ZNF75A: variants seen among roughly 807,000 people sequenced by gnomAD.
ZNF75A encodes zinc finger protein 75A.
In ZNF75A, 36 loss-of-function variants were observed where a neutral mutation model predicts 46.3. The observed-to-expected ratio is 0.78, with a 90% CI of 0.60 to 1.03. The LOEUF is 1.03. ZNF75A is among the 50% of genes least tolerant of loss of function. The pLI, the probability that ZNF75A is intolerant of heterozygous loss-of-function variation, is 0.00. For synonymous variants in ZNF75A, 234 were observed against 189.9 expected, an observed-to-expected ratio of 1.23 and a Z score of -1.91; for missense variants, 595 against 551.3, an observed-to-expected ratio of 1.08 and a Z score of -0.79.
At chr16:3,316,403 T>C (rs928642555) in intron 5 of ZNF75A, 1 of 152,302 alleles carries the variant, frequency 6.6e-6, no homozygotes, top group Non-Finnish European at 1.5e-5. Flanking sequence ...TCTATAGGAA[T>C]GGTAGAAATC....
rs1961390285 is a variant in ZNF75A, at chr16:3,318,440, T to C, written c.*571T>C. 1.0e-6 allele frequency: 1 copy of C among 985,674 alleles called. No homozygotes were observed. The allele number at this position is 985,674 out of a possible 1,614,324, so 61.1% of individuals were successfully genotyped here. A position where few individuals can be genotyped will look rare whatever the true frequency, so the allele number is the denominator to read the frequency against. The stretch of plus-strand genomic sequence containing the variant: ...GATGAACTATTAATGCACTGTCTTA[T>C]GCCTCTCATTGGTGATGTTTGGAAA... On this transcript the variant is annotated 3_prime_UTR_variant, in exon 7 of 7. Coordinates refer to ENST00000669516, the MANE Select transcript of ZNF75A (RefSeq NM_001302109.2).
intron 2 of ZNF75A, 84 bp downstream of exon 2, chr16:3,308,920 A>T: frequency 1.1e-6 from 1 of 870,480 alleles, no homozygotes; most frequent in South Asian, 5.3e-5. Flanking sequence ...TTGAGAAATT[A>T]GATGGATTAG....
chr16:3,315,962 C>G (rs1003365802), intron 5 of ZNF75A: 4 of 152,206 alleles, frequency 2.6e-5, no homozygotes, highest in African/African-American at 9.7e-5. Context: ...TCGCCAGGCT[C>G]ATTTCTACTT....
rs897938599 is a variant in ZNF75A at position 3,318,182 on chromosome 16, C to G, written c.*313C>G. 2 of 1,071,600 alleles carry G rather than the reference C, an allele frequency of 1.9e-6. No individual in the cohort carries two copies. Among genetic ancestry groups the G allele is most frequent in the Non-Finnish European group, 2.3e-6 (2 of 885,812 alleles). 66.4% of individuals were successfully genotyped at this position (1,071,600 alleles called of 1,614,324 possible). On this transcript the variant is annotated 3_prime_UTR_variant, in exon 7 of 7. Transcript: ENST00000669516. ...TGCATGTTTAATTGCATACCATTCT[C>G]TTCACAGTAGCAGGCTTACCAATTT...
intron 2 of ZNF75A, among the ~76,000 whole-genome samples, chr16:3,311,266 C>T (rs967980251): frequency 9.9e-5 from 15 of 151,902 alleles, no homozygotes; most frequent in African/African-American, 2.4e-4. Context: ...GAAGAAACCC[C>T]GTCTCTACTA....
chr16:3,315,759 C>T (rs974519678), intron 5 of ZNF75A, among the ~76,000 whole-genome samples: 6 of 152,202 alleles, frequency 3.9e-5, no homozygotes, highest in African/African-American at 9.7e-5. Context: ...CTGATCAGAT[C>T]GTTGCATTTC....
downstream of ZNF75A, among the ~76,000 whole-genome samples, chr16:3,322,605 A>G (rs1361863166): frequency 2.6e-5 from 4 of 152,238 alleles, no homozygotes; most frequent in African/African-American, 4.8e-5. Context: ...CATTTCTGCC[A>G]CAGTTCAGAT....
At position 3,308,455 on chromosome 16, in the gene ZNF75A, T is replaced by A. The variant is rs1446493773; in HGVS notation, c.27T>A (p.Ala9=). 11 of 985,730 alleles carry A rather than the reference T, an allele frequency of 1.1e-5. No homozygotes were observed. Among genetic ancestry groups the A allele is most frequent in the African/African-American group, 1.7e-5 (1 of 57,218 alleles). The allele number at this position is 985,730 out of a possible 1,614,324, so 61.1% of individuals were successfully genotyped here. A position where few individuals can be genotyped will look rare whatever the true frequency, so the allele number is the denominator to read the frequency against. Residue 9 remains alanine (A), a synonymous_variant, in exon 2 of 7, where the codon GCT becomes GCA. Coordinates refer to ENST00000669516, the MANE Select transcript of ZNF75A (RefSeq NM_001302109.2). The part of the protein sequence containing the change: MMMVDLKV[A]AYLDPQIRAL... ...TGATGATGGTAGATCTGAAAGTGGCTGCGTACTTGGACCCTCAGATCAGGG... is the reference window on the plus strand; with the variant it reads ...TGATGATGGTAGATCTGAAAGTGGCAGCGTACTTGGACCCTCAGATCAGGG...
chr16:3,322,817 G>A (rs910660073), downstream of ZNF75A: 1 of 733,832 alleles, frequency 1.4e-6, no homozygotes, highest in Non-Finnish European at 1.7e-6. Context: ...GGAATCTCCA[G>A]ATTCAATTAT....
At position 3,318,389 on chromosome 16, in the gene ZNF75A, T is replaced by C; in HGVS notation, c.*520T>C. 1.0e-6 allele frequency: 1 copy of C among 987,384 alleles called. No homozygotes were observed. The highest frequency in any genetic ancestry group is 1.2e-6 in the Non-Finnish European group (1 of 831,356). The allele number at this position is 987,384 out of a possible 1,614,324, so 61.2% of individuals were successfully genotyped here. On this transcript the variant is annotated 3_prime_UTR_variant, in exon 7 of 7. Transcript: ENST00000669516. Reference sequence around the variant, plus strand: ...ACAGTTTTTTACTGTGATGAAATCTTGTTAACCACCACTAGGGAATCTCCA... The same window carrying C: ...ACAGTTTTTTACTGTGATGAAATCTCGTTAACCACCACTAGGGAATCTCCA...
intron 2 of ZNF75A, among the ~76,000 whole-genome samples, chr16:3,310,205 C>G (rs1006485364): frequency 6.6e-6 from 1 of 151,930 alleles, no homozygotes; most frequent in African/African-American, 2.4e-5. Flanking sequence ...ACCAGCCTGA[C>G]CAACATGCTG....
rs1056777646 is a variant in ZNF75A at position 3,317,335 on chromosome 16, G to T, written c.1080G>T (p.Met360Ile). The change falls in exon 7 of 7, where the codon ATG (methionine) becomes ATT (isoleucine). Residue 360 changes from methionine to isoleucine, a missense_variant. Coordinates refer to ENST00000669516, the MANE Select transcript of ZNF75A (RefSeq NM_001302109.2). ...CAGGCAAAGAAAATCATTTTGATATGCACAGAGTGGGAAAATGGCACCAAG... is the reference window on the plus strand; with the variant it reads ...CAGGCAAAGAAAATCATTTTGATATTCACAGAGTGGGAAAATGGCACCAAG... Reference protein sequence around the residue: ...KTAGKENHFDMHRVGKWHQDF... With the variant: ...KTAGKENHFDIHRVGKWHQDF... The T allele has an allele frequency of 2.2e-5, 36 of 1,614,108 alleles. No individual in the cohort carries two copies. Among genetic ancestry groups the T allele is most frequent in the Non-Finnish European group, 3.0e-5 (35 of 1,180,010 alleles).
At chr16:3,321,839 T>A (rs1399399884), downstream of ZNF75A, among the ~76,000 whole-genome samples, 1 of 152,198 alleles carries the variant, frequency 6.6e-6, no homozygotes, top group Non-Finnish European at 1.5e-5. Context: ...AAACTAAAAC[T>A]CCTAGGGTTT....
At chr16:3,319,192 C>T (rs1227141734), downstream of ZNF75A, among the ~76,000 whole-genome samples, 2 of 152,168 alleles carry the variant, frequency 1.3e-5, no homozygotes, top group Non-Finnish European at 2.9e-5. Flanking sequence ...CAGCTCATTG[C>T]ATCCTCCACC....
chr16:3,313,813 G>A (rs1750790517), intron 5 of ZNF75A, among the ~76,000 whole-genome samples: 2 of 152,108 alleles, frequency 1.3e-5, no homozygotes, highest in African/African-American at 4.8e-5. Flanking sequence ...TATTACCAGG[G>A]CTCCAGGACA....
In ZNF75A at chr16:3,317,575, A is replaced by G; in HGVS notation, c.1320A>G (p.Arg440=). Residue 440 remains arginine, a synonymous_variant, in exon 7 of 7, where the codon AGA becomes AGG. Transcript: ENST00000669516. ...YKCQQCDKRF[R]WSSDLNKHLT... ...GTCAACAGTGTGATAAGAGGTTTAGATGGAGTTCAGATCTTAATAAGCACT... is the reference window on the plus strand; with the variant it reads ...GTCAACAGTGTGATAAGAGGTTTAGGTGGAGTTCAGATCTTAATAAGCACT... The G allele has an allele frequency of 2.5e-6, 4 of 1,614,158 alleles. No individual in the cohort carries two copies. Among genetic ancestry groups the G allele is most frequent in the South Asian group, 1.1e-5 (1 of 91,070 alleles).
chr16:3,305,782 C>T (rs1256606162), intron 1 of ZNF75A, 139 bp downstream of exon 1: 1 of 152,220 alleles, frequency 6.6e-6, no homozygotes, highest in Non-Finnish European at 1.5e-5. Flanking sequence ...GGCGGGGCCA[C>T]CGTCGGGCAC....
intron 3 of ZNF75A, 74 bp downstream of exon 3, chr16:3,312,022 A>G: frequency 1.3e-6 from 1 of 764,058 alleles, no homozygotes; most frequent in Non-Finnish European, 1.6e-6. Flanking sequence ...TGTCATGGGC[A>G]TTTTTTGAAT....
intron 4 of ZNF75A, 82 bp from the exon 5 acceptor site, chr16:3,312,967 C>T (rs756153632): frequency 2.3e-5 from 34 of 1,479,772 alleles, no homozygotes; most frequent in East Asian, 1.2e-4. Context: ...ATTCCTTTAT[C>T]GCCTGGCCAA....
Sources: gnomAD v4.1 joint callset for allele counts (sites outside exome capture counted in the v4.1 genomes callset) on GRCh38, gnomAD v4.1.1 for gene constraint, MANE v1.5 for transcripts, NCBI Gene and HGNC (gene_info 2026-07-23, HGNC 2026-07-21) for gene names.